Variants in HEXD observed in about 807,000 individuals in gnomAD.
HEXD encodes hexosaminidase D.
A neutral mutation model predicts 54.2 loss-of-function variants in HEXD; 47 were observed. The ratio of observed to expected loss-of-function variants is 0.87; its 90% CI spans 0.69 to 1.11. The LOEUF is 1.11. Among genes scored for constraint, HEXD ranks in the 50% least tolerant of loss-of-function variants. The pLI is 0.00. For missense variants in HEXD, 576 were observed against 649.2 expected, an observed-to-expected ratio of 0.89 and a Z score of 1.23; for synonymous variants, 293 against 287.6, an observed-to-expected ratio of 1.02 and a Z score of -0.19.
In HEXD at chr17:82,418,382, A is replaced by C; in HGVS notation, c.-410A>C. 7.1e-7 allele frequency: 1 copy of C among 1,411,912 alleles called. No homozygotes were observed. The highest frequency in any genetic ancestry group is 1.3e-5 in the South Asian group (1 of 77,950). 87.5% of individuals were successfully genotyped at this position (1,411,912 alleles called of 1,614,324 possible). The stretch of plus-strand genomic sequence containing the variant: ...ACTCCATGGCCCTGTCCGCCGCCGC[A>C]GCGCGCGCCCTTCCCCTCCTCACCG... On this transcript the variant is annotated 5_prime_UTR_variant, in exon 1 of 13. Coordinates refer to ENST00000327949, the MANE Select transcript of HEXD (RefSeq NM_001330542.2).
intron 2 of HEXD, chr17:82,423,582 A>AG (rs2053301391): frequency 6.6e-6 from 1 of 152,244 alleles, no homozygotes; most frequent in Non-Finnish European, 1.5e-5. Flanking sequence ...TGGAAGGCCG[A>AG]GGGGCAGATT....
At chr17:82,432,938 C>T (rs1416190032) in intron 4 of HEXD, among the ~76,000 whole-genome samples, 17 of 144,360 alleles carry the variant, frequency 1.2e-4, no homozygotes, top group African/African-American at 3.1e-4. Context: ...TGGTGGCGGG[C>T]GCCTGTAGTC....
intron 3 of HEXD, chr17:82,428,245 A>G: frequency 4.9e-6 from 1 of 205,078 alleles, no homozygotes; most frequent in East Asian, 1.3e-4. Context: ...TTGGACTCCC[A>G]AAGTGCTGAG....
intron 9 of HEXD, chr17:82,440,234 A>C: frequency 7.8e-7 from 1 of 1,289,194 alleles, no homozygotes; most frequent in Non-Finnish European, 1.0e-6. Flanking sequence ...GCCACACGGG[A>C]AATTAGCGAC....
rs773185281 is a variant in HEXD at position 82,442,344 on chromosome 17, C to T, written c.1421C>T (p.Pro474Leu). 5.0e-5 allele frequency: 80 copies of T among 1,611,164 alleles called. No individual in the cohort carries two copies. In the South Asian group the frequency reaches 8.0e-4, roughly 16 times the overall value. ...AGCGAGGTGTCTGCCCCCCCGCTGC[C>T]ACCCACCAGCCCTGGCAGGGACGTT... ...DLSEVSAPPL[P>L]PTSPGRDVAQ... Residue 474 changes from proline to leucine, a missense_variant, in exon 13 of 13, where the codon CCA (proline) becomes CTA (leucine). Pro to Leu is a moderately conservative substitution (Grantham distance 98). Transcript: ENST00000327949. The surrounding 1 kb of genome is among the most constrained non-coding windows in gnomAD (Gnocchi z 6.8).
At chr17:82,433,568 C>T (rs2053671971) in intron 4 of HEXD, 90 bp from the exon 5 acceptor site, 6 of 1,331,478 alleles carry the variant, frequency 4.5e-6, no homozygotes, top group East Asian at 5.6e-5. Context: ...TTTGTATTAT[C>T]TGTAGATTTG....
chr17:82,419,960 T>C, intron 2 of HEXD, 77 bp downstream of exon 2: 1 of 859,288 alleles, frequency 1.2e-6, no homozygotes, highest in Non-Finnish European at 1.9e-6. Context: ...CAGTGTTCTG[T>C]GGAAACGGGT....
At chr17:82,421,780 T>A in intron 2 of HEXD, among the ~76,000 whole-genome samples, 1 of 151,730 alleles carries the variant, frequency 6.6e-6, no homozygotes, top group Non-Finnish European at 1.5e-5. Flanking sequence ...GAGCCAAGAT[T>A]GCGCCACTGC....
chr17:82,419,318 T>G (rs2053162121), intron 1 of HEXD, among the ~76,000 whole-genome samples: 1 of 152,184 alleles, frequency 6.6e-6, no homozygotes, highest in African/African-American at 2.4e-5. Context: ...TGATCTGAGC[T>G]CTAGAAATAC....
At chr17:82,421,161 T>A (rs1013397688) in intron 2 of HEXD, among the ~76,000 whole-genome samples, 2 of 151,928 alleles carry the variant, frequency 1.3e-5, no homozygotes, top group Non-Finnish European at 2.9e-5. Flanking sequence ...TGAGATTGAG[T>A]GCAAAGAGAC....
In HEXD at chr17:82,428,492, G is replaced by A. The variant is rs969323087; in HGVS notation, c.195-66G>A. ...CCCAGGGCCTGATGAGGAAGGGCTG[G>A]GGGGGTGGGTGTGGAAGTCACGTGC... On this transcript the variant is annotated intron_variant, in intron 3 of 12. Coordinates refer to ENST00000327949, the MANE Select transcript of HEXD (RefSeq NM_001330542.2). The A allele has an allele frequency of 4.5e-5, 62 of 1,390,052 alleles. No homozygotes were observed. In the Admixed American group the frequency reaches 9.8e-4, roughly 22 times the overall value. The allele number at this position is 1,390,052 out of a possible 1,614,324, so 86.1% of individuals were successfully genotyped here. A position where few individuals can be genotyped will look rare whatever the true frequency, so the allele number is the denominator to read the frequency against.
intron 8 of HEXD, 38 bp downstream of exon 8, chr17:82,437,401 C>T: frequency 1.3e-6 from 2 of 1,505,092 alleles, no homozygotes; most frequent in Non-Finnish European, 1.8e-6. Context: ...GGGTCCAGGG[C>T]AGCTCTGGTG....
At chr17:82,423,687 C>G (rs1259552266) in intron 2 of HEXD, 1 of 152,078 alleles carries the variant, frequency 6.6e-6, no homozygotes, top group Admixed American at 6.6e-5. Flanking sequence ...GGGGCGGGCG[C>G]CTGTAATCCC....
At chr17:82,433,105 T>A (rs1434180897) in intron 4 of HEXD, among the ~76,000 whole-genome samples, 859 of 12,702 alleles carry the variant, frequency 0.068, 149 homozygotes, top group East Asian at 0.64. Context: ...TATATATATA[T>A]ATATATATAT....
chr17:82,424,415 C>T lies in HEXD; in HGVS notation c.106C>T (p.Leu36=), dbSNP rs765981733. The T allele has an allele frequency of 6.2e-7, 1 of 1,614,054 alleles. No individual in the cohort carries two copies. Among genetic ancestry groups the T allele is most frequent in the South Asian group, 1.1e-5 (1 of 91,080 alleles). Residue 36 remains leucine (L), a synonymous_variant, in exon 3 of 13, where the codon CTA becomes TTA. Transcript: ENST00000327949. ...LSEIFPLFRA[L]GANGLLIEYE... ...CCAGATTTTTCCTCTGTTCCGTGCGCTAGGTGCAAACGGCCTCCTCATTGA... is the reference window on the plus strand; with the variant it reads ...CCAGATTTTTCCTCTGTTCCGTGCGTTAGGTGCAAACGGCCTCCTCATTGA...
chr17:82,439,701 T>G lies in HEXD; in HGVS notation c.970T>G (p.Leu324Val). Residue 324 changes from leucine (L) to valine (V), a missense_variant, in exon 9 of 13, where the codon TTG becomes GTG. Leu to Val is a conservative substitution (Grantham distance 32). Transcript: ENST00000327949. ...GVPSLAACLQ[L>V]LLRGGFDEDV... ...CCCGTCCCTGGCCGCCTGCCTGCAG[T>G]TGCTTCTACGCGGTATGTCTGGTCT... 1 of 1,599,500 alleles carries G rather than the reference T, an allele frequency of 6.3e-7. No homozygotes were observed. Among genetic ancestry groups the G allele is most frequent in the Non-Finnish European group, 8.5e-7 (1 of 1,178,894 alleles).
chr17:82,435,879 C>T lies in HEXD; in HGVS notation c.631+7C>T, dbSNP rs1340689690. ...CCTGAGGACCAGCTCGCAGGTCGGC[C>T]AACAGGGCTGGGGGAGGGGGTGGGC... On this transcript the variant is annotated splice_region_variant and intron_variant, in intron 6 of 12. Transcript: ENST00000327949. The T allele has an allele frequency of 6.2e-6, 10 of 1,600,144 alleles. No individual in the cohort carries two copies. Among genetic ancestry groups the T allele is most frequent in the South Asian group, 4.4e-5 (4 of 90,576 alleles).
rs373446696 is a variant in HEXD at position 82,435,660 on chromosome 17, G to A, written c.448-29G>A. On this transcript the variant is annotated intron_variant, in intron 5 of 12. Coordinates refer to ENST00000327949, the MANE Select transcript of HEXD (RefSeq NM_001330542.2). ...TCCCACCGGTGTGCACGGCTGCCAA[G>A]GCAACCCCGTCCTGCTCCTTCCTTG... is the stretch of plus-strand genomic sequence containing the variant. 18 of 1,589,808 alleles carry A rather than the reference G, an allele frequency of 1.1e-5. No homozygotes were observed. In the African/African-American group the frequency reaches 2.1e-4, roughly 19 times the overall value.
chr17:82,426,278 C>CT (rs2053412033), intron 3 of HEXD: 1 of 152,270 alleles, frequency 6.6e-6, no homozygotes, highest in Admixed American at 6.5e-5. Flanking sequence ...TTGTTCCCAG[C>CT]AGAATATGAT....
Sources: allele counts gnomAD v4.1 joint callset (sites outside exome capture counted in the v4.1 genomes callset), GRCh38; gene constraint gnomAD v4.1.1; non-coding constraint Gnocchi (gnomAD v3.1); transcripts MANE v1.5; gene names NCBI Gene and HGNC (gene_info 2026-07-23, HGNC 2026-07-21).